The following CSMD1 variants were observed in gnomAD, a reference collection of about 807,000 sequenced individuals.
The protein encoded by CSMD1 is CUB and sushi domain-containing protein 1.
A neutral mutation model predicts 417.5 loss-of-function variants in CSMD1; 213 were observed. The observed-to-expected ratio is 0.51, with a 90% CI of 0.46 to 0.57. The LOEUF is 0.57. Among genes scored for constraint, CSMD1 ranks in the 20% least tolerant of loss-of-function variants. The pLI is 0.00. For synonymous variants in CSMD1, 2,862 were observed against 1,736.8 expected, an observed-to-expected ratio of 1.65 and a Z score of -16.11; for missense variants, 6,923 against 4,529.7, an observed-to-expected ratio of 1.53 and a Z score of -15.17.
intron 10 of CSMD1, among the ~76,000 whole-genome samples, chr8:3,511,235 T>C (rs1228319947): frequency 1.3e-5 from 2 of 151,058 alleles, no homozygotes; most frequent in Non-Finnish European, 2.9e-5. Flanking sequence ...TGTTGGGGGG[T>C]GAGAGGCTAG....
At chr8:3,927,470 C>G (rs2461850) in intron 5 of CSMD1, among the ~76,000 whole-genome samples, 45,795 of 151,358 alleles carry the variant, frequency 0.3, 7,164 homozygotes, top group East Asian at 0.41. Flanking sequence ...TTTGGGACCA[C>G]CCTGGCCAAC....
At chr8:3,504,249 TA>T (rs1418776213) in intron 10 of CSMD1, among the ~76,000 whole-genome samples, 3 of 71,920 alleles carry the variant, frequency 4.2e-5, no homozygotes, top group East Asian at 9.7e-4. Context: ...ACAATTTCTT[TA>T]AAAAAACATT....
intron 6 of CSMD1, among the ~76,000 whole-genome samples, chr8:3,740,365 G>A (rs975663107): frequency 1.3e-5 from 2 of 152,112 alleles, no homozygotes; most frequent in African/African-American, 2.4e-5. Flanking sequence ...CTTTCATTGG[G>A]CAGCACAAAT....
At position 3,936,767 on chromosome 8, in the gene CSMD1, C is replaced by T. The variant is rs531497963; in HGVS notation, c.818+61136G>A. Reference sequence around the variant, plus strand: ...CATCCATTCTGCAGCCCAAGAAACACGAAAAACTTTTGACTTTCAATTATT... The same window carrying T: ...CATCCATTCTGCAGCCCAAGAAACATGAAAAACTTTTGACTTTCAATTATT... On this transcript the variant is annotated intron_variant, in intron 5 of 69. Coordinates refer to ENST00000635120, the MANE Select transcript of CSMD1 (RefSeq NM_033225.6). Among the ~76,000 whole-genome samples, 108 of 152,210 alleles carry T rather than the reference C, an allele frequency of 7.1e-4. 1 individual carries two copies. In the Middle Eastern group the frequency reaches 0.014, roughly 19 times the overall value.
chr8:4,429,889 C>T (rs1218217707), intron 2 of CSMD1, among the ~76,000 whole-genome samples: 2 of 152,108 alleles, frequency 1.3e-5, no homozygotes, highest in Non-Finnish European at 1.5e-5. Context: ...TCCTCTCCTC[C>T]ATTTTTGGCC....
chr8:4,360,606 C>T (rs1169991300), intron 3 of CSMD1, among the ~76,000 whole-genome samples: 1 of 151,996 alleles, frequency 6.6e-6, no homozygotes, highest in Admixed American at 6.5e-5. Flanking sequence ...TCTCCTGCCT[C>T]AGCCTCCAGA....
At chr8:3,257,601 A>T (rs1039642325) in intron 26 of CSMD1, among the ~76,000 whole-genome samples, 1 of 152,166 alleles carries the variant, frequency 6.6e-6, no homozygotes, top group African/African-American at 2.4e-5. Context: ...TTCCCCTGAG[A>T]TGATGACACA....
intron 1 of CSMD1, among the ~76,000 whole-genome samples, chr8:4,637,814 G>A (rs1055039748): frequency 6.6e-6 from 1 of 151,762 alleles, no homozygotes; most frequent in Non-Finnish European, 1.5e-5. Flanking sequence ...GGGACTACAG[G>A]CGCCCGCCAC....
chr8:4,726,920 G>A (rs1186987034), intron 1 of CSMD1, among the ~76,000 whole-genome samples: 3 of 152,060 alleles, frequency 2.0e-5, no homozygotes, highest in African/African-American at 7.2e-5. Context: ...AGCTTTTTAT[G>A]AATTTCTTCT....
At chr8:3,487,688 A>AAAC (rs1818135437) in intron 11 of CSMD1, among the ~76,000 whole-genome samples, 1 of 152,186 alleles carries the variant, frequency 6.6e-6, no homozygotes, top group South Asian at 2.1e-4. Flanking sequence ...AGGTGCCTAC[A>AAAC]AACACATTGT....
At chr8:4,444,169 C>T (rs375525406) in intron 2 of CSMD1, among the ~76,000 whole-genome samples, 5 of 151,734 alleles carry the variant, frequency 3.3e-5, no homozygotes, top group African/African-American at 1.2e-4. Flanking sequence ...TGGCAAAACC[C>T]TGTGCCTACT....
intron 1 of CSMD1, among the ~76,000 whole-genome samples, chr8:4,872,004 G>T (rs1056390207): frequency 6.6e-6 from 1 of 152,044 alleles, no homozygotes; most frequent in Non-Finnish European, 1.5e-5. Flanking sequence ...GAAACACATC[G>T]TGCTGATCAT....
chr8:3,513,121 A>G (rs200499964), intron 10 of CSMD1, among the ~76,000 whole-genome samples: 1,516 of 135,598 alleles, frequency 0.011, 28 homozygotes, highest in African/African-American at 0.048. Context: ...TTGAATTATT[A>G]TTATTATTTT....
chr8:3,759,626 G>C, intron 5 of CSMD1, among the ~76,000 whole-genome samples: 1 of 151,792 alleles, frequency 6.6e-6, no homozygotes. Flanking sequence ...AGGCACAGTG[G>C]CTCACACCTG....
chr8:4,213,074 CTAAG>C, intron 3 of CSMD1, among the ~76,000 whole-genome samples: 20 of 152,088 alleles, frequency 1.3e-4, no homozygotes, highest in African/African-American at 4.8e-4. Flanking sequence ...GAGCTAATGT[CTAAG>C]ATGGAAGAAT....
intron 33 of CSMD1, among the ~76,000 whole-genome samples, chr8:3,197,207 A>G (rs1330530323): frequency 1.3e-5 from 2 of 152,094 alleles, no homozygotes; most frequent in African/African-American, 2.4e-5. Flanking sequence ...GCAGAAGGCT[A>G]GAGACCATGA....
intron 5 of CSMD1, among the ~76,000 whole-genome samples, chr8:3,938,343 C>G (rs1810644950): frequency 6.6e-6 from 1 of 152,108 alleles, no homozygotes; most frequent in Non-Finnish European, 1.5e-5. Context: ...GCATATAATA[C>G]AACATAAAGT....
At chr8:4,349,015 C>G (rs1040319227) in intron 3 of CSMD1, among the ~76,000 whole-genome samples, 1 of 152,120 alleles carries the variant, frequency 6.6e-6, no homozygotes, top group Admixed American at 6.5e-5. Context: ...ATCCAACTGT[C>G]CACACAAGCC....
chr8:3,276,547 G>A (rs1400908861), intron 26 of CSMD1, among the ~76,000 whole-genome samples: 2 of 152,152 alleles, frequency 1.3e-5, no homozygotes, highest in Admixed American at 6.5e-5. Context: ...AGAAAGACCT[G>A]CTCCCATGAT....
Sources: allele counts gnomAD v4.1 joint callset (sites outside exome capture counted in the v4.1 genomes callset), GRCh38; gene constraint gnomAD v4.1.1; transcripts MANE v1.5; gene names NCBI Gene and HGNC (gene_info 2026-07-23, HGNC 2026-07-21).